The following NCAPG2 variants were observed in gnomAD, a reference collection of about 807,000 sequenced individuals.
NCAPG2 encodes non-SMC condensin II complex subunit G2, also known as condensin-2 complex subunit G2.
In NCAPG2, 53 loss-of-function variants were observed where a neutral mutation model predicts 141.1. That is an observed-to-expected ratio of 0.38 (90% CI 0.30 to 0.47). The LOEUF is 0.47. NCAPG2 is among the 20% of genes least tolerant of loss of function. The pLI is 0.99. For synonymous variants in NCAPG2, 499 were observed against 490.7 expected (o/e 1.02, Z -0.22); for missense variants, 1,087 against 1,389.0 (o/e 0.78, Z 3.46).
In NCAPG2 at chr7:158,654,117, C is replaced by G. The variant is rs374342522; in HGVS notation, c.2746+478G>C. 1.8e-4 allele frequency among the ~76,000 whole-genome samples: 27 copies of G among 152,284 alleles called. No individual in the cohort carries two copies. In the East Asian group the frequency reaches 3.7e-3, roughly 21 times the overall value. On this transcript the variant is annotated intron_variant, in intron 22 of 27. Coordinates refer to ENST00000356309, the MANE Select transcript of NCAPG2 (RefSeq NM_017760.7). Reference sequence around the variant, plus strand: ...TTTCCCGTCATCATCTGATGTGATTCGAGGGCTGTCCTCTCACTCACTGTT... The same window carrying G: ...TTTCCCGTCATCATCTGATGTGATTGGAGGGCTGTCCTCTCACTCACTGTT...
At chr7:158,672,263 C>T (rs1833735154) in intron 12 of NCAPG2, among the ~76,000 whole-genome samples, 2 of 121,740 alleles carry the variant, frequency 1.6e-5, no homozygotes, top group South Asian at 2.8e-4. Flanking sequence ...AAAGTATATA[C>T]GGTATTCCAA....
intron 24 of NCAPG2, among the ~76,000 whole-genome samples, chr7:158,647,547 C>T (rs117908975): frequency 0.023 from 3,479 of 152,348 alleles, 80 homozygotes; most frequent in Middle Eastern, 0.041. Flanking sequence ...AGAATTCCTG[C>T]TCCAGGTGGA....
chr7:158,693,200 T>G (rs1433756916), intron 3 of NCAPG2, 109 bp downstream of exon 3: 1 of 1,250,470 alleles, frequency 8.0e-7, no homozygotes, highest in African/African-American at 1.5e-5. Context: ...AATTCTTGAC[T>G]TCTAACTTCA....
intron 11 of NCAPG2, among the ~76,000 whole-genome samples, chr7:158,679,168 C>A (rs1434034730): frequency 6.6e-5 from 10 of 152,186 alleles, no homozygotes; most frequent in Non-Finnish European, 1.5e-4. Flanking sequence ...TATACTATTA[C>A]TTTAACTTTC....
At chr7:158,649,113 A>G (rs1228449156) in intron 24 of NCAPG2, among the ~76,000 whole-genome samples, 1 of 152,246 alleles carries the variant, frequency 6.6e-6, no homozygotes, top group Non-Finnish European at 1.5e-5. Context: ...AAAATATCAA[A>G]GTAGACTTCA....
chr7:158,693,489 G>C lies in NCAPG2; in HGVS notation c.87C>G (p.Ala29=), dbSNP rs781725792. 1.2e-6 allele frequency: 2 copies of C among 1,609,176 alleles called. No individual in the cohort carries two copies. The highest frequency in any genetic ancestry group is 1.1e-5 in the South Asian group (1 of 90,274). ...FLQFVQLDKE[A]SDPFSLNELL... is the part of the protein sequence containing the mutation. The stretch of plus-strand genomic sequence containing the variant: ...ATTCATTTAGGCTGAAAGGATCAGA[G>C]GCCTCTTTCTGTAACATAAATAGCA... The change falls in exon 3 of 28, where the codon GCC becomes GCG. Residue 29 remains alanine, a synonymous_variant. Coordinates refer to ENST00000356309, the MANE Select transcript of NCAPG2 (RefSeq NM_017760.7).
chr7:158,666,376 T>C (rs1832938998), intron 13 of NCAPG2, among the ~76,000 whole-genome samples: 1 of 152,022 alleles, frequency 6.6e-6, no homozygotes, highest in African/African-American at 2.4e-5. Context: ...CAGGTGACAG[T>C]GCTGTTGGCA....
In NCAPG2 at chr7:158,704,201, G is replaced by T. The variant is rs1190678542; in HGVS notation, c.-40+523C>A. 2.1e-5 allele frequency among the ~76,000 whole-genome samples: 3 copies of T among 145,084 alleles called. No homozygotes were observed. The East Asian group carries it at 6.3e-4, about 31-fold the overall frequency. ...GCAGTGCCCATGCTCAGGACTGAGGGGGTCGCTCTCTGAGGGTAGTGCCCA... is the reference window on the plus strand; with the variant it reads ...GCAGTGCCCATGCTCAGGACTGAGGTGGTCGCTCTCTGAGGGTAGTGCCCA... On this transcript the variant is annotated intron_variant, in intron 1 of 27. Coordinates refer to ENST00000356309, the MANE Select transcript of NCAPG2 (RefSeq NM_017760.7).
chr7:158,664,561 A>G lies in NCAPG2; in HGVS notation c.1669T>C (p.Tyr557His), dbSNP rs1311063672. Residue 557 changes from tyrosine to histidine, a missense_variant, in exon 14 of 28, where the codon TAC becomes CAC. Coordinates refer to ENST00000356309, the MANE Select transcript of NCAPG2 (RefSeq NM_017760.7). ...GTGCAGGCGGTGTGTTCGTGGGCGT[A>G]CTGATAGAACCTCCTGGCAGCGGCG... is the stretch of plus-strand genomic sequence containing the variant. ...NHAAARRFYQ[Y>H]AHEHTACTNI... 1.2e-6 allele frequency: 2 copies of G among 1,614,178 alleles called. No homozygotes were observed. Among genetic ancestry groups the G allele is most frequent in the East Asian group, 4.5e-5 (2 of 44,882 alleles).
chr7:158,656,474 T>G, intron 18 of NCAPG2, 41 bp from the exon 19 acceptor site: 1 of 1,610,240 alleles, frequency 6.2e-7, no homozygotes, highest in Non-Finnish European at 8.5e-7. Flanking sequence ...AAAACACACG[T>G]CCCTAGAAAA....
At chr7:158,638,127 G>A (rs1830414799) in intron 27 of NCAPG2, among the ~76,000 whole-genome samples, 2 of 152,158 alleles carry the variant, frequency 1.3e-5, no homozygotes, top group South Asian at 2.1e-4. Context: ...CTGCATAACA[G>A]AGGGAGACTC....
intron 13 of NCAPG2, chr7:158,668,158 C>G (rs1563542190): frequency 4.7e-6 from 2 of 423,778 alleles, no homozygotes; most frequent in Admixed American, 1.6e-4. Context: ...CCTCCACCCT[C>G]TTACCCACTA....
chr7:158,663,322 TG>T (rs1349166187), intron 15 of NCAPG2, among the ~76,000 whole-genome samples: 1 of 152,262 alleles, frequency 6.6e-6, no homozygotes, highest in African/African-American at 2.4e-5. Context: ...GCCCAACGGC[TG>T]TGAAGACGGA....
intron 27 of NCAPG2, among the ~76,000 whole-genome samples, chr7:158,643,832 G>A (rs890509200): frequency 6.6e-6 from 1 of 152,164 alleles, no homozygotes; most frequent in Non-Finnish European, 1.5e-5. Flanking sequence ...GCAGCCCTAC[G>A]AATACACTGG....
chr7:158,672,875 C>T (rs1833835323), intron 12 of NCAPG2, among the ~76,000 whole-genome samples: 1 of 152,200 alleles, frequency 6.6e-6, no homozygotes, highest in Non-Finnish European at 1.5e-5. Context: ...CCTAATTCTC[C>T]TTCAACTTCT....
At chr7:158,636,970 CGGA>C in intron 27 of NCAPG2, among the ~76,000 whole-genome samples, 1 of 151,176 alleles carries the variant, frequency 6.6e-6, no homozygotes, top group African/African-American at 2.4e-5. Context: ...TTTTTTGAGA[CGGA>C]GCCCTGCTCT....
intron 16 of NCAPG2, among the ~76,000 whole-genome samples, chr7:158,660,401 CT>C (rs945928092): frequency 0.015 from 1,065 of 72,810 alleles, 10 homozygotes; most frequent in African/African-American, 0.022. Flanking sequence ...TTTCAGCTTT[CT>C]TTTTTTTTTT....
rs1830947890 is a variant in NCAPG2, at chr7:158,645,568, G to A, written c.3231C>T (p.Gly1077=). The A allele has an allele frequency of 1.2e-6, 2 of 1,614,088 alleles. No homozygotes were observed. Among genetic ancestry groups the A allele is most frequent in the African/African-American group, 1.3e-5 (1 of 74,934 alleles). The change falls in exon 26 of 28, where the codon GGC becomes GGT. Residue 1077 remains glycine (G), a synonymous_variant. Coordinates refer to ENST00000356309, the MANE Select transcript of NCAPG2 (RefSeq NM_017760.7). ...KACVASNDIE[G]IVCLTAAVHI... is the part of the protein sequence containing the mutation. Reference sequence around the variant, plus strand: ...GCACAGCAGCCGTGAGGCACACAATGCCTTCAATATCATTAGAAGCCACAC... The same window carrying A: ...GCACAGCAGCCGTGAGGCACACAATACCTTCAATATCATTAGAAGCCACAC...
chr7:158,637,219 G>C (rs1830283202), intron 27 of NCAPG2, among the ~76,000 whole-genome samples: 1 of 152,248 alleles, frequency 6.6e-6, no homozygotes, highest in Admixed American at 6.5e-5. Context: ...AGTGCTGAGA[G>C]GGTTTCTTCT....
Sources: gnomAD v4.1 joint callset for allele counts (sites outside exome capture counted in the v4.1 genomes callset) on GRCh38, gnomAD v4.1.1 for gene constraint, MANE v1.5 for transcripts, NCBI Gene and HGNC (gene_info 2026-07-23, HGNC 2026-07-21) for gene names.